TACR1: variants seen among roughly 807,000 people sequenced by gnomAD.
TACR1 encodes substance-P receptor.
A neutral mutation model predicts 35.8 loss-of-function variants in TACR1; 25 were observed. The ratio of observed to expected loss-of-function variants is 0.70; its 90% CI spans 0.51 to 0.98. The LOEUF is 0.98. TACR1 is among the 50% of genes least tolerant of loss of function. The pLI is 0.00. For missense variants in TACR1, 478 were observed against 522.9 expected (o/e 0.91, Z 0.84); for synonymous variants, 195 against 206.7 (o/e 0.94, Z 0.48).
rs566157336 is a variant in TACR1, at chr2:75,182,856, A to G, written c.389+15690T>C. The stretch of plus-strand genomic sequence containing the variant: ...GACGCATTTCTCAGAATGTATCCCC[A>G]TTGTTAAGCGATGTATTTCTGTACT... On this transcript the variant is annotated intron_variant, in intron 1 of 4. Transcript: ENST00000305249. Among the ~76,000 whole-genome samples the G allele has an allele frequency of 3.0e-4, 46 of 152,290 alleles. No homozygotes were observed. The South Asian group carries it at 4.1e-3, about 14-fold the overall frequency.
chr2:75,065,851 A>C (rs1460824463), intron 2 of TACR1, among the ~76,000 whole-genome samples: 1 of 152,186 alleles, frequency 6.6e-6, no homozygotes, highest in East Asian at 1.9e-4. Flanking sequence ...CTGGAGTTTG[A>C]AAAAGCACTT....
intron 1 of TACR1, among the ~76,000 whole-genome samples, chr2:75,145,909 C>T (rs758194443): frequency 4.6e-5 from 7 of 152,102 alleles, no homozygotes; most frequent in Non-Finnish European, 1.0e-4. Flanking sequence ...ACAGATCCAG[C>T]GACAGAGATG....
At chr2:75,144,799 T>G (rs1440018960) in intron 1 of TACR1, among the ~76,000 whole-genome samples, 1 of 152,180 alleles carries the variant, frequency 6.6e-6, no homozygotes, top group Non-Finnish European at 1.5e-5. Flanking sequence ...AAATTTCAAA[T>G]TTTTAACTGG....
At chr2:75,152,128 C>T (rs566727461) in intron 1 of TACR1, among the ~76,000 whole-genome samples, 2 of 152,224 alleles carry the variant, frequency 1.3e-5, no homozygotes, top group African/African-American at 4.8e-5. Context: ...GATGAGACTT[C>T]GGACTGTGGG....
At position 75,176,664 on chromosome 2, in the gene TACR1, A is replaced by C. The variant is rs10865408; in HGVS notation, c.389+21882T>G. On this transcript the variant is annotated intron_variant, in intron 1 of 4. Transcript: ENST00000305249. ...CTTTGGGGACTCTGATGGAGCCCCA[A>C]GTACTCCCCACAAGGCCTCTACCTT... Among the ~76,000 whole-genome samples, 1,035 of 152,006 alleles carry C rather than the reference A, an allele frequency of 6.8e-3. 15 individuals carry two copies. Among genetic ancestry groups the C allele is most frequent in the African/African-American group, 0.024 (993 of 41,442 alleles).
At chr2:75,126,747 A>T (rs917410665) in intron 1 of TACR1, among the ~76,000 whole-genome samples, 2 of 152,256 alleles carry the variant, frequency 1.3e-5, no homozygotes, top group Non-Finnish European at 2.9e-5. Flanking sequence ...TATCCATCTG[A>T]CAACGGTCTA....
At chr2:75,140,619 A>G (rs147988917) in intron 1 of TACR1, among the ~76,000 whole-genome samples, 1 of 152,286 alleles carries the variant, frequency 6.6e-6, no homozygotes, top group Non-Finnish European at 1.5e-5. Flanking sequence ...GCCCTCCTTG[A>G]GGCCTTTCTC....
chr2:75,080,854 T>G (rs1449827338), intron 2 of TACR1, among the ~76,000 whole-genome samples: 1 of 152,160 alleles, frequency 6.6e-6, no homozygotes, highest in Non-Finnish European at 1.5e-5. Flanking sequence ...GCTGATAGAT[T>G]AGCACATACA....
intron 2 of TACR1, among the ~76,000 whole-genome samples, chr2:75,109,596 C>T (rs543423242): frequency 2.9e-4 from 44 of 152,202 alleles, no homozygotes; most frequent in African/African-American, 1.1e-3. Flanking sequence ...TGTTTTTAAA[C>T]GAGATTTGAG....
intron 2 of TACR1, among the ~76,000 whole-genome samples, chr2:75,112,296 G>T (rs946754689): frequency 4.6e-5 from 7 of 151,764 alleles, no homozygotes; most frequent in African/African-American, 1.7e-4. Context: ...AAGTTATTTT[G>T]CTGATATAAA....
At chr2:75,081,438 C>T (rs919484274) in intron 2 of TACR1, among the ~76,000 whole-genome samples, 1 of 152,156 alleles carries the variant, frequency 6.6e-6, no homozygotes, top group African/African-American at 2.4e-5. Flanking sequence ...TTCCCTGGAG[C>T]CTCTTCTAGG....
chr2:75,130,198 C>T (rs1674150118), intron 1 of TACR1, among the ~76,000 whole-genome samples: 1 of 152,156 alleles, frequency 6.6e-6, no homozygotes, highest in Non-Finnish European at 1.5e-5. Context: ...CTACACTTGC[C>T]TCACCCTAAT....
At chr2:75,068,739 G>A (rs1672817790) in intron 2 of TACR1, among the ~76,000 whole-genome samples, 1 of 152,158 alleles carries the variant, frequency 6.6e-6, no homozygotes, top group African/African-American at 2.4e-5. Flanking sequence ...ACCACTCACA[G>A]AGACTATTGG....
At chr2:75,076,398 G>C (rs1403419993) in intron 2 of TACR1, among the ~76,000 whole-genome samples, 3 of 152,186 alleles carry the variant, frequency 2.0e-5, no homozygotes, top group Admixed American at 6.5e-5. Context: ...AAACCTTTTT[G>C]TCAGCTCAAG....
intron 1 of TACR1, among the ~76,000 whole-genome samples, chr2:75,166,608 A>C (rs1196583591): frequency 6.6e-6 from 1 of 152,216 alleles, no homozygotes; most frequent in Non-Finnish European, 1.5e-5. Context: ...CAGAGATAGC[A>C]ATCAATCTGG....
Position 75,079,736 on chromosome 2 carries a change from C to CTTTTT in TACR1, c.585-25986_585-25982dup, listed in dbSNP as rs11367021. Among the ~76,000 whole-genome samples the CTTTTT allele has an allele frequency of 9.6e-4, 110 of 114,174 alleles. 1 individual carries two copies. Among genetic ancestry groups the CTTTTT allele is most frequent in the African/African-American group, 2.9e-3 (92 of 31,994 alleles). 74.9% of individuals were successfully genotyped at this position (114,174 alleles called of 152,430 possible). A position where few individuals can be genotyped will look rare whatever the true frequency, so the allele number is the denominator to read the frequency against. On this transcript the variant is annotated intron_variant, in intron 2 of 4. Coordinates refer to ENST00000305249, the MANE Select transcript of TACR1 (RefSeq NM_001058.4). Reference sequence around the variant, plus strand: ...CAAACTGTGCATCTAAACCTAATGCCTTTTTTTTTTTTTTTTTTTTTGGTC... The same window carrying CTTTTT: ...CAAACTGTGCATCTAAACCTAATGCCTTTTTTTTTTTTTTTTTTTTTTTTTTGGTC...
At chr2:75,178,273 C>T (rs906372625) in intron 1 of TACR1, among the ~76,000 whole-genome samples, 3 of 151,970 alleles carry the variant, frequency 2.0e-5, no homozygotes, top group South Asian at 4.1e-4. Context: ...CAACCTCTGC[C>T]TCCTGGGTTC....
At chr2:75,179,144 T>A (rs1481768497) in intron 1 of TACR1, among the ~76,000 whole-genome samples, 1 of 152,200 alleles carries the variant, frequency 6.6e-6, no homozygotes, top group Non-Finnish European at 1.5e-5. Context: ...CTATTTCTTT[T>A]CCAGTCTTCC....
chr2:75,126,129 G>C (rs1268683926), intron 1 of TACR1, among the ~76,000 whole-genome samples: 1 of 152,018 alleles, frequency 6.6e-6, no homozygotes, highest in African/African-American at 2.4e-5. Context: ...GTGTTCATCA[G>C]TTCTCATCAT....
Sources: gnomAD v4.1 joint callset for allele counts (sites outside exome capture counted in the v4.1 genomes callset) on GRCh38, gnomAD v4.1.1 for gene constraint, MANE v1.5 for transcripts, NCBI Gene and HGNC (gene_info 2026-07-23, HGNC 2026-07-21) for gene names.